The following EIF4E3 variants were observed in gnomAD, a reference collection of about 807,000 sequenced individuals.
EIF4E3 encodes the protein eukaryotic translation initiation factor 4E type 3.
In EIF4E3, 26 loss-of-function variants were observed where a neutral mutation model predicts 31.7. That is an observed-to-expected ratio of 0.82 (90% CI 0.60 to 1.14). The LOEUF (loss-of-function observed/expected upper bound fraction) is 1.14. Ranked by LOEUF, EIF4E3 falls within the 50% of genes most tolerant of loss-of-function variation. The probability of loss-of-function intolerance (pLI) is 0.00; values close to 1 mark genes in which losing one functional copy is unlikely to be tolerated. For synonymous variants in EIF4E3, 128 were observed against 107.7 expected (o/e 1.19, Z -1.17); for missense variants, 304 against 270.9 (o/e 1.12, Z -0.86).
intron 1 of EIF4E3, among the ~76,000 whole-genome samples, chr3:71,746,782 C>T (rs1268063173): frequency 1.3e-5 from 2 of 152,160 alleles, no homozygotes; most frequent in Non-Finnish European, 2.9e-5. Context: ...TTAGTGGTCA[C>T]TCTCCAATCC....
chr3:71,717,891 T>C (rs916502894), intron 1 of EIF4E3, among the ~76,000 whole-genome samples: 10 of 152,190 alleles, frequency 6.6e-5, no homozygotes, highest in Non-Finnish European at 1.3e-4. Flanking sequence ...AATGAGTAAA[T>C]TGTAGTTCAT....
rs966781333 is a variant in EIF4E3 at position 71,675,790 on chromosome 3, C to T, written c.*8892G>A. 12 of 152,178 alleles carry T rather than the reference C, an allele frequency of 7.9e-5. No individual in the cohort carries two copies. Among genetic ancestry groups the T allele is most frequent in the African/African-American group, 2.7e-4 (11 of 41,442 alleles). 9.4% of individuals were successfully genotyped at this position (152,178 alleles called of 1,614,324 possible). On this transcript the variant is annotated 3_prime_UTR_variant, in exon 7 of 7. Transcript: ENST00000425534. ...TTGTAAACAAACTCTCATAAGGAAT[C>T]TCAAAATTCTTGCACATCATATCTT... is the stretch of plus-strand genomic sequence containing the variant.
intron 1 of EIF4E3, among the ~76,000 whole-genome samples, chr3:71,737,743 T>C (rs1430330906): frequency 2.0e-5 from 3 of 151,992 alleles, no homozygotes; most frequent in Non-Finnish European, 4.4e-5. Flanking sequence ...CTGGGTAGCA[T>C]AGCAAGAACT....
At chr3:71,729,798 A>ATGCGTGTGTG (rs2049683508), upstream of EIF4E3, among the ~76,000 whole-genome samples, 1 of 129,692 alleles carries the variant, frequency 7.7e-6, no homozygotes, top group South Asian at 3.1e-4. Context: ...TTCCAATAGA[A>ATGCGTGTGTG]TGTGTGTGTG....
At chr3:71,711,724 C>T (rs2029011) in intron 1 of EIF4E3, among the ~76,000 whole-genome samples, 102,827 of 152,090 alleles carry the variant, frequency 0.68, 35,018 homozygotes, top group African/African-American at 0.74. Flanking sequence ...TGACTGTAAT[C>T]CAATTACTCT....
At chr3:71,732,490 C>T (rs997893167) in intron 1 of EIF4E3, among the ~76,000 whole-genome samples, 1 of 152,106 alleles carries the variant, frequency 6.6e-6, no homozygotes, top group African/African-American at 2.4e-5. Flanking sequence ...TGTGGCCACA[C>T]AGAATTCCAC....
At chr3:71,695,027 C>A (rs763446445) in intron 4 of EIF4E3, among the ~76,000 whole-genome samples, 3 of 152,212 alleles carry the variant, frequency 2.0e-5, no homozygotes, top group Non-Finnish European at 2.9e-5. Context: ...TTAACCAAGG[C>A]CATGGCAGTT....
chr3:71,660,111 G>A, the EIF4E3 span, among the ~76,000 whole-genome samples: 1 of 152,194 alleles, frequency 6.6e-6, no homozygotes, highest in Admixed American at 6.5e-5. Flanking sequence ...CTGCTCTAGG[G>A]GGCCCAGCCT....
intron 1 of EIF4E3, among the ~76,000 whole-genome samples, chr3:71,717,702 G>A (rs998348472): frequency 1.3e-5 from 2 of 152,274 alleles, no homozygotes; most frequent in African/African-American, 4.8e-5. Flanking sequence ...CCAGGGCTTG[G>A]AGTCATACAG....
At chr3:71,731,013 A>G (rs562611407) in intron 1 of EIF4E3, among the ~76,000 whole-genome samples, 7 of 152,268 alleles carry the variant, frequency 4.6e-5, no homozygotes, top group African/African-American at 1.4e-4. Flanking sequence ...CGTGAGCCAC[A>G]GTGCCTAGCC....
chr3:71,749,118 G>C (rs1394293906), intron 1 of EIF4E3, among the ~76,000 whole-genome samples: 2 of 152,198 alleles, frequency 1.3e-5, no homozygotes, highest in Non-Finnish European at 2.9e-5. Context: ...TGCACACCTT[G>C]TGCTACACTC....
At chr3:71,754,744 C>T (rs1420347708), upstream of EIF4E3, 5 of 1,378,570 alleles carry the variant, frequency 3.6e-6, no homozygotes, top group Admixed American at 5.2e-5. The surrounding 1 kb of genome is among the most constrained non-coding windows in gnomAD (Gnocchi z 5.8). Context: ...TTCCACGGCC[C>T]GGGCGCCACC....
chr3:71,702,620 G>C (rs1378735203), intron 2 of EIF4E3, among the ~76,000 whole-genome samples: 1 of 150,996 alleles, frequency 6.6e-6, no homozygotes, highest in Non-Finnish European at 1.5e-5. Flanking sequence ...AGCCCAAGAA[G>C]ATCAGTGATA....
upstream of EIF4E3, chr3:71,725,438 C>CCCCCG (rs539914293): frequency 0.2 from 160,053 of 795,190 alleles, 20,442 homozygotes; most frequent in East Asian, 0.33. The surrounding 1 kb of genome is among the most constrained non-coding windows in gnomAD (Gnocchi z 6.1). Flanking sequence ...TCACCCCCGG[C>CCCCCG]CCCCGCCCCG....
chr3:71,746,882 T>C (rs188200826), intron 1 of EIF4E3, among the ~76,000 whole-genome samples: 11 of 152,360 alleles, frequency 7.2e-5, no homozygotes, highest in African/African-American at 2.4e-4. Flanking sequence ...ATTTGTACAA[T>C]ATGTGGTCTT....
the EIF4E3 span, among the ~76,000 whole-genome samples, chr3:71,664,410 G>A: frequency 3.3e-5 from 5 of 151,910 alleles, no homozygotes; most frequent in African/African-American, 7.3e-5. Context: ...TGGGGGGTGG[G>A]GGGAGAATCA....
chr3:71,690,054 T>C lies in EIF4E3; in HGVS notation c.584A>G (p.Tyr195Cys), dbSNP rs2108020320. The change falls in exon 6 of 7, where the codon TAT (tyrosine) becomes TGT (cysteine). Residue 195 changes from tyrosine (Y) to cysteine (C), a missense_variant. Physicochemically the swap from Tyr to Cys is radical, Grantham distance 194. Transcript: ENST00000425534. ...AAAAGTTATGTGGGGCAGAAGTTCA[T>C]AGATCTTTTCTAAAACAGTCGCTTC... The part of the protein sequence containing the change: ...VGEATVLEKI[Y>C]ELLPHITFKA... The C allele has an allele frequency of 4.3e-6, 7 of 1,613,806 alleles. No homozygotes were observed. Among genetic ancestry groups the C allele is most frequent in the East Asian group, 2.2e-5 (1 of 44,856 alleles).
intron 2 of EIF4E3, 146 bp from the exon 3 acceptor site, chr3:71,699,854 A>G (rs1385667714): frequency 1.5e-6 from 1 of 651,100 alleles, no homozygotes; most frequent in Non-Finnish European, 2.6e-6. Context: ...ATCCCTTCTA[A>G]TTCTCTGTTA....
intron 2 of EIF4E3, among the ~76,000 whole-genome samples, chr3:71,700,916 G>T (rs977834323): frequency 6.6e-6 from 1 of 152,118 alleles, no homozygotes; most frequent in Non-Finnish European, 1.5e-5. Context: ...GAGGTAATCA[G>T]GTCATGAGGG....
Sources: gnomAD v4.1 joint callset for allele counts (sites outside exome capture counted in the v4.1 genomes callset) on GRCh38, gnomAD v4.1.1 for gene constraint, Gnocchi (gnomAD v3.1) non-coding constraint, MANE v1.5 for transcripts, NCBI Gene and HGNC (gene_info 2026-07-23, HGNC 2026-07-21) for gene names.